SZRD1: variants seen among roughly 807,000 people sequenced by gnomAD.
SZRD1 encodes SUZ RNA binding domain containing 1, also known as SUZ RNA-binding domain-containing.
SZRD1 carries 7 observed loss-of-function variants against 17.6 expected under a neutral mutation model. That is an observed-to-expected ratio of 0.40 (90% CI 0.23 to 0.75). The LOEUF is 0.75. SZRD1 is among the 30% of genes least tolerant of loss of function. The pLI, the probability that SZRD1 is intolerant of heterozygous loss-of-function variation, is 0.38. For synonymous variants in SZRD1, 77 were observed against 77.9 expected, an observed-to-expected ratio of 0.99 and a Z score of 0.06; for missense variants, 178 against 201.8, an observed-to-expected ratio of 0.88 and a Z score of 0.71.
chr1:16,373,903 C>A (rs768303085), intron 1 of SZRD1, among the ~76,000 whole-genome samples: 2 of 152,060 alleles, frequency 1.3e-5, no homozygotes, highest in Non-Finnish European at 2.9e-5. Context: ...ACACCCGGCC[C>A]ATAGTTAGAT....
Position 16,379,760 on chromosome 1 carries a change from G to T in SZRD1, c.52-11615G>T, listed in dbSNP as rs1013423251. Among the ~76,000 whole-genome samples the T allele has an allele frequency of 1.9e-3, 250 of 130,984 alleles. 2 individuals are homozygous for T. The highest frequency in any genetic ancestry group is 0.012 in the Admixed American group (153 of 12,752). 85.9% of individuals were successfully genotyped at this position (130,984 alleles called of 152,430 possible). On this transcript the variant is annotated intron_variant, in intron 1 of 3. Coordinates refer to ENST00000401088, the MANE Select transcript of SZRD1 (RefSeq NM_001114600.3). ...ATCTATAAAATCCTGTTGATTTGGGGTTTTTTTTTTTTTTTTTTGAGACGA... is the reference window on the plus strand; with the variant it reads ...ATCTATAAAATCCTGTTGATTTGGGTTTTTTTTTTTTTTTTTTTGAGACGA...
rs2085248514 is a variant in SZRD1, at chr1:16,393,350, C to G, written c.224C>G (p.Pro75Arg). 6.2e-7 allele frequency: 1 copy of G among 1,614,190 alleles called. No homozygotes were observed. Among genetic ancestry groups the G allele is most frequent in the Non-Finnish European group, 8.5e-7 (1 of 1,180,040 alleles). Residue 75 changes from proline (P) to arginine (R), a missense_variant, in exon 3 of 4, where the codon CCC (proline) becomes CGC (arginine). Around this residue, in one of 3 missense-constraint regions of SZRD1, gnomAD observed 117 missense variants for 108.7 expected, o/e 1.08. Coordinates refer to ENST00000401088, the MANE Select transcript of SZRD1 (RefSeq NM_001114600.3). The surrounding 1 kb of genome is among the most constrained non-coding windows in gnomAD (Gnocchi z 5.6). ...RPTSNGVVSS[P>R]NSTSRPTLPV... ...ACCAGCAACGGTGTGGTCAGCAGCC[C>G]CAACTCCACCAGCAGGCCCACCCTT...
At chr1:16,388,131 T>G (rs61770606) in intron 1 of SZRD1, among the ~76,000 whole-genome samples, 1 of 152,178 alleles carries the variant, frequency 6.6e-6, no homozygotes, top group Non-Finnish European at 1.5e-5. Context: ...ATATATATTT[T>G]GAGACAGAGT....
chr1:16,388,132 G>A lies in SZRD1; in HGVS notation c.52-3243G>A, dbSNP rs142619006. On this transcript the variant is annotated intron_variant, in intron 1 of 3. Transcript: ENST00000401088. ...TAAATTACATATATATATATATTTTGAGACAGAGTCATGCTCTATTGCCCA... is the reference window on the plus strand; with the variant it reads ...TAAATTACATATATATATATATTTTAAGACAGAGTCATGCTCTATTGCCCA... 2.6e-4 allele frequency among the ~76,000 whole-genome samples: 40 copies of A among 152,096 alleles called. No homozygotes were observed. In the East Asian group the frequency reaches 6.6e-3, roughly 25 times the overall value.
intron 1 of SZRD1, among the ~76,000 whole-genome samples, chr1:16,372,294 G>A (rs1477014351): frequency 6.6e-6 from 1 of 152,092 alleles, no homozygotes; most frequent in African/African-American, 2.4e-5. Flanking sequence ...CCAACATGGT[G>A]AAACCCCGTC....
chr1:16,376,028 G>A (rs540560696), intron 1 of SZRD1, among the ~76,000 whole-genome samples: 1 of 152,312 alleles, frequency 6.6e-6, no homozygotes, highest in African/African-American at 2.4e-5. Flanking sequence ...TTTTGGAAGA[G>A]CTTCTAAGAT....
chr1:16,389,094 T>C (rs1280542740), intron 1 of SZRD1, among the ~76,000 whole-genome samples: 2 of 144,262 alleles, frequency 1.4e-5, no homozygotes, highest in Admixed American at 1.4e-4. Flanking sequence ...TTTTTTTTTT[T>C]TTTTTTTGAG....
At chr1:16,390,091 C>T (rs2085198388) in intron 1 of SZRD1, among the ~76,000 whole-genome samples, 1 of 152,236 alleles carries the variant, frequency 6.6e-6, no homozygotes, top group Non-Finnish European at 1.5e-5. Flanking sequence ...GAGATCTTGT[C>T]TCTAGAAAAA....
chr1:16,388,317 C>T (rs551640895), intron 1 of SZRD1, among the ~76,000 whole-genome samples: 2 of 152,076 alleles, frequency 1.3e-5, no homozygotes, highest in Non-Finnish European at 2.9e-5. Context: ...CCAGGCTGGT[C>T]TTGAACTCCT....
chr1:16,369,887 C>CA (rs565655605), intron 1 of SZRD1, among the ~76,000 whole-genome samples: 40,727 of 124,216 alleles, frequency 0.33, 6,394 homozygotes, highest in Non-Finnish European at 0.4. Context: ...GAAACTCCAT[C>CA]AAAAAAAAAA....
intron 1 of SZRD1, among the ~76,000 whole-genome samples, chr1:16,376,624 G>C (rs1175343153): frequency 6.6e-6 from 1 of 151,990 alleles, no homozygotes; most frequent in Non-Finnish European, 1.5e-5. Flanking sequence ...TGGCCAACAT[G>C]GTGAAACCTT....
chr1:16,369,513 CTT>C, intron 1 of SZRD1: 1 of 858,376 alleles, frequency 1.2e-6, no homozygotes, highest in Non-Finnish European at 2.0e-6. Flanking sequence ...TCACCACAGG[CTT>C]TTTCACAGAA....
At chr1:16,384,923 G>A (rs1472129007) in intron 1 of SZRD1, among the ~76,000 whole-genome samples, 4 of 152,106 alleles carry the variant, frequency 2.6e-5, no homozygotes, top group African/African-American at 4.8e-5. Flanking sequence ...GTGGGGCAGC[G>A]ATTCATAGGG....
At chr1:16,378,964 G>A (rs1175834348) in intron 1 of SZRD1, among the ~76,000 whole-genome samples, 3 of 151,242 alleles carry the variant, frequency 2.0e-5, no homozygotes, top group Non-Finnish European at 4.4e-5. Context: ...TGACCTCAGG[G>A]GATCCACCCG....
intron 1 of SZRD1, among the ~76,000 whole-genome samples, chr1:16,389,941 G>T (rs914346621): frequency 6.6e-6 from 1 of 152,180 alleles, no homozygotes; most frequent in African/African-American, 2.4e-5. Flanking sequence ...GACTTTTGGG[G>T]TTAAATAGTT....
At chr1:16,369,513 CT>C (rs2082875854) in intron 1 of SZRD1, 3 of 858,360 alleles carry the variant, frequency 3.5e-6, no homozygotes, top group Non-Finnish European at 5.9e-6. Context: ...TCACCACAGG[CT>C]TTTTCACAGA....
chr1:16,379,299 A>G (rs1041002941), intron 1 of SZRD1, among the ~76,000 whole-genome samples: 12 of 150,830 alleles, frequency 8.0e-5, no homozygotes, highest in African/African-American at 2.9e-4. Context: ...TTTTGTTTTT[A>G]GTAGAGACGG....
intron 1 of SZRD1, chr1:16,369,652 G>T: frequency 3.8e-6 from 2 of 532,480 alleles, no homozygotes; most frequent in South Asian, 4.5e-5. Context: ...ACTGTGGGAG[G>T]CTGAGGTGGG....
intron 1 of SZRD1, chr1:16,367,686 G>C (rs958270746): frequency 8.0e-6 from 2 of 251,282 alleles, no homozygotes; most frequent in African/African-American, 4.5e-5. Flanking sequence ...TGACCGGGAC[G>C]GACACACCAT....
Sources: allele counts gnomAD v4.1 joint callset (sites outside exome capture counted in the v4.1 genomes callset), GRCh38; gene constraint gnomAD v4.1.1; regional missense constraint gnomAD v4.1.1; non-coding constraint Gnocchi (gnomAD v3.1); transcripts MANE v1.5; gene names NCBI Gene and HGNC (gene_info 2026-07-23, HGNC 2026-07-21).